Variants in PLA2G4C observed in about 807,000 individuals in gnomAD.
The protein encoded by PLA2G4C is phospholipase A2 group IVC.
PLA2G4C carries 64 observed loss-of-function variants against 73.8 expected under a neutral mutation model. The observed-to-expected ratio is 0.87, with a 90% CI of 0.71 to 1.07. The LOEUF (loss-of-function observed/expected upper bound fraction) is 1.07. Ranked by LOEUF, PLA2G4C falls within the 50% of genes least tolerant of loss-of-function variation. The pLI is 0.00. For synonymous variants in PLA2G4C, 254 were observed against 252.1 expected (o/e 1.01, Z -0.07); for missense variants, 622 against 665.4 (o/e 0.93, Z 0.72).
At position 48,073,421 on chromosome 19, in the gene PLA2G4C, G is replaced by A. The variant is rs78802909; in HGVS notation, c.1006+1346C>T. Among the ~76,000 whole-genome samples the A allele has an allele frequency of 7.3e-3, 1,109 of 151,812 alleles. 6 individuals carry two copies. The highest frequency in any genetic ancestry group is 0.025 in the African/African-American group (1,024 of 41,384). On this transcript the variant is annotated intron_variant, in intron 12 of 16. Transcript: ENST00000599921. ...GGCTTACCTGTCTATTCTCCATCTC[G>A]TCCTCTAGACCATGAGTCCTCCAGG...
At chr19:48,052,966 G>C (rs1967780844) in intron 16 of PLA2G4C, 31 bp downstream of exon 16, 1 of 1,581,512 alleles carries the variant, frequency 6.3e-7, no homozygotes, top group East Asian at 2.3e-5. Flanking sequence ...AACGAGCATA[G>C]GCATCAGAGC....
In PLA2G4C at chr19:48,077,784, A is replaced by T; in HGVS notation, c.885T>A (p.His295Gln). Residue 295 changes from histidine (H) to glutamine (Q), a missense_variant, in exon 11 of 17, where the codon CAT (histidine) becomes CAA (glutamine). Transcript: ENST00000599921. ...TAGGATGCTTACCTTCTGGGGGAGG[A>T]TGTTCCCCTTGTGAACTTTCTTGCA... Reference protein sequence around the residue: ...LRLQESSQGEHPPPEDEGGEP... With the variant: ...LRLQESSQGEQPPPEDEGGEP... 6.2e-7 allele frequency: 1 copy of T among 1,606,534 alleles called. No individual in the cohort carries two copies. Among genetic ancestry groups the T allele is most frequent in the Non-Finnish European group, 8.5e-7 (1 of 1,176,588 alleles).
chr19:48,096,834 C>T (rs16981247), intron 6 of PLA2G4C: 51,058 of 151,922 alleles, frequency 0.34, 9,903 homozygotes, highest in East Asian at 0.82. Flanking sequence ...GGGTGATAAT[C>T]GGACCTATGG....
At chr19:48,092,103 G>C (rs1219893717) in intron 7 of PLA2G4C, among the ~76,000 whole-genome samples, 1 of 151,428 alleles carries the variant, frequency 6.6e-6, no homozygotes, top group African/African-American at 2.4e-5. Flanking sequence ...AGGCTGGAGC[G>C]CAATGGCGCG....
At chr19:48,061,525 T>A (rs935371636) in intron 14 of PLA2G4C, 1 of 155,924 alleles carries the variant, frequency 6.4e-6, no homozygotes, top group African/African-American at 2.4e-5. Flanking sequence ...CGGATCCTAG[T>A]GGCCACTGGG....
At chr19:48,104,506 A>G (rs2032067889) in intron 4 of PLA2G4C, 82 bp downstream of exon 4, 1 of 1,393,718 alleles carries the variant, frequency 7.2e-7, no homozygotes, top group South Asian at 1.2e-5. Context: ...GTTGGAAAAA[A>G]CCACACACAT....
intron 9 of PLA2G4C, among the ~76,000 whole-genome samples, 158 bp from the exon 10 acceptor site, chr19:48,085,270 T>C (rs1400993959): frequency 6.6e-6 from 1 of 152,134 alleles, no homozygotes; most frequent in Admixed American, 6.5e-5. Context: ...AAGCAATCAG[T>C]GGGCACCCGG....
chr19:48,055,567 G>C (rs573454461), intron 14 of PLA2G4C, among the ~76,000 whole-genome samples: 1 of 151,718 alleles, frequency 6.6e-6, no homozygotes, highest in East Asian at 1.9e-4. Flanking sequence ...ACCTCACAGG[G>C]GTATTTGGAA....
At chr19:48,074,969 G>A in intron 11 of PLA2G4C, 95 bp from the exon 12 acceptor site, 1 of 800,528 alleles carries the variant, frequency 1.2e-6, no homozygotes, top group Non-Finnish European at 2.0e-6. Flanking sequence ...GCAATGCCCT[G>A]CGGTTCCTCC....
Position 48,082,989 on chromosome 19 carries a change from AT to A in PLA2G4C, c.844+2069del, listed in dbSNP as rs529396973. On this transcript the variant is annotated intron_variant, in intron 10 of 16. Transcript: ENST00000599921. ...CCACTACGCCCGGCTAATTTTTTGTATTTTTTAGTAGAGACGGAGTTTCACC... is the reference window on the plus strand; with the variant it reads ...CCACTACGCCCGGCTAATTTTTTGTATTTTTAGTAGAGACGGAGTTTCACC... Among the ~76,000 whole-genome samples, 331 of 149,660 alleles carry A rather than the reference AT, an allele frequency of 2.2e-3. 1 individual carries two copies. Among genetic ancestry groups the A allele is most frequent in the Middle Eastern group, 3.4e-3 (1 of 290 alleles).
intron 6 of PLA2G4C, chr19:48,097,794 T>C (rs1267050519): frequency 9.4e-6 from 2 of 212,028 alleles, no homozygotes; most frequent in East Asian, 1.0e-4. Flanking sequence ...TTTTTAATGT[T>C]GTTGTTTTGA....
chr19:48,049,030 A>G (rs1284093980), intron 16 of PLA2G4C, among the ~76,000 whole-genome samples: 1 of 152,040 alleles, frequency 6.6e-6, no homozygotes, highest in East Asian at 1.9e-4. Flanking sequence ...CTCTCTCACC[A>G]TGTAACACGC....
rs759348639 is a variant in PLA2G4C at position 48,105,378 on chromosome 19, A to T, written c.75T>A (p.Leu25=). The T allele has an allele frequency of 6.2e-7, 1 of 1,613,972 alleles. No individual in the cohort carries two copies. Among genetic ancestry groups the T allele is most frequent in the Non-Finnish European group, 8.5e-7 (1 of 1,179,926 alleles). Reference sequence around the variant, plus strand: ...GCTTCTTCAGAGCTTTCAGCACATGAAGTCTTCGTCTCTCCACGGCCGCCT... The same window carrying T: ...GCTTCTTCAGAGCTTTCAGCACATGTAGTCTTCGTCTCTCCACGGCCGCCT... The part of the protein sequence containing the change: ...EEKAAVERRR[L]HVLKALKKLR... The change falls in exon 3 of 17, where the codon CTT becomes CTA. Residue 25 remains leucine, a synonymous_variant. Transcript: ENST00000599921.
chr19:48,107,464 A>C (rs1404444754), intron 1 of PLA2G4C, among the ~76,000 whole-genome samples: 1 of 147,484 alleles, frequency 6.8e-6, no homozygotes, highest in Non-Finnish European at 1.5e-5. Context: ...TGACCAGAAG[A>C]CAAGTGTGAG....
At position 48,054,912 on chromosome 19, in the gene PLA2G4C, C is replaced by T. The variant is rs1045367; in HGVS notation, c.1395G>A (p.Met465Ile). ...ILKGETGPVV[M>I]HFPLFNIDAC... ...CATCTATGTTGAACAGGGGAAAATG[C>T]ATCACCACTGGTCCAGTTTCTCCTT... The change falls in exon 15 of 17, where the codon ATG becomes ATA. Residue 465 changes from methionine (M) to isoleucine (I), a missense_variant. Physicochemically the swap from Met to Ile is conservative, Grantham distance 10. Coordinates refer to ENST00000599921, the MANE Select transcript of PLA2G4C (RefSeq NM_003706.3). The T allele has an allele frequency of 2.9e-5, 47 of 1,613,896 alleles. No individual in the cohort carries two copies. The highest frequency in any genetic ancestry group is 3.7e-5 in the Non-Finnish European group (44 of 1,180,010).
Position 48,083,450 on chromosome 19 carries a change from T to C in PLA2G4C, c.844+1609A>G, listed in dbSNP as rs1459286271. Among the ~76,000 whole-genome samples the C allele has an allele frequency of 3.8e-5, 5 of 131,432 alleles. No homozygotes were observed. In the South Asian group the frequency reaches 1.1e-3, roughly 29 times the overall value. 86.2% of individuals were successfully genotyped at this position (131,432 alleles called of 152,430 possible). On this transcript the variant is annotated intron_variant, in intron 10 of 16. Coordinates refer to ENST00000599921, the MANE Select transcript of PLA2G4C (RefSeq NM_003706.3). ...TTTTTTTCTTTTTCTTTTTCTTTTTTCTTTTTTTTTTTTTGAGACTGTGTT... is the reference window on the plus strand; with the variant it reads ...TTTTTTTCTTTTTCTTTTTCTTTTTCCTTTTTTTTTTTTTGAGACTGTGTT...
At chr19:48,081,351 A>G (rs557996973) in intron 10 of PLA2G4C, among the ~76,000 whole-genome samples, 3 of 152,296 alleles carry the variant, frequency 2.0e-5, no homozygotes, top group Admixed American at 1.3e-4. Context: ...ACCAAAAACC[A>G]TATGTTCTCA....
intron 10 of PLA2G4C, among the ~76,000 whole-genome samples, chr19:48,079,485 C>T (rs1464286032): frequency 6.6e-6 from 1 of 152,146 alleles, no homozygotes; most frequent in African/African-American, 2.4e-5. Flanking sequence ...GAGAATGAAA[C>T]TCGATCCTTA....
chr19:48,058,010 T>A (rs891840478), intron 14 of PLA2G4C, among the ~76,000 whole-genome samples: 13 of 150,800 alleles, frequency 8.6e-5, no homozygotes, highest in South Asian at 2.1e-4. Context: ...TCAAAAAAAA[T>A]TTTTTTGGCC....
Sources: allele counts gnomAD v4.1 joint callset (sites outside exome capture counted in the v4.1 genomes callset), GRCh38; gene constraint gnomAD v4.1.1; transcripts MANE v1.5; gene names NCBI Gene and HGNC (gene_info 2026-07-23, HGNC 2026-07-21).